The following ZNF714 variants were observed in gnomAD, a reference collection of about 807,000 sequenced individuals.
The protein encoded by ZNF714 is zinc finger protein 714.
Under a neutral mutation model 46.2 loss-of-function variants are expected in ZNF714, and 32 were observed. The observed-to-expected ratio is 0.69, with a 90% confidence interval of 0.52 to 0.93. ZNF714 has a LOEUF of 0.93. ZNF714 is among the 40% of genes least tolerant of loss of function. The pLI, the probability that ZNF714 is intolerant of heterozygous loss-of-function variation, is 0.00. For missense variants in ZNF714, 635 were observed against 646.3 expected (o/e 0.98, Z 0.19); for synonymous variants, 199 against 213.1 (o/e 0.93, Z 0.58).
chr19:21,114,265 C>T (rs887369129), intron 4 of ZNF714, among the ~76,000 whole-genome samples: 2 of 151,736 alleles, frequency 1.3e-5, no homozygotes, highest in Non-Finnish European at 2.9e-5. Flanking sequence ...AGTGAAACCT[C>T]GTCTACTAAA....
chr19:21,084,897 G>A (rs180704575), intron 2 of ZNF714, among the ~76,000 whole-genome samples: 60 of 152,118 alleles, frequency 3.9e-4, no homozygotes, highest in Non-Finnish European at 2.9e-5. Flanking sequence ...TGGGATAACA[G>A]GTGTGAGCCA....
intron 2 of ZNF714, among the ~76,000 whole-genome samples, chr19:21,087,171 G>A (rs1328958599): frequency 2.9e-5 from 4 of 137,926 alleles, no homozygotes; most frequent in African/African-American, 1.1e-4. Context: ...CTTTTGAAGA[G>A]GATCAACACA....
intron 4 of ZNF714, among the ~76,000 whole-genome samples, chr19:21,112,820 T>TTTTTTTTTTTTTTTTTTTTTTTTTTTTA: frequency 1.3e-5 from 1 of 79,166 alleles, no homozygotes; most frequent in Non-Finnish European, 2.9e-5. Context: ...TTTCTGATTT[T>TTTTTTTTTTTTTTTTTTTTTTTTTTTTA]TTTTTTTTTT....
At chr19:21,111,792 G>T (rs1341048912) in intron 4 of ZNF714, among the ~76,000 whole-genome samples, 3 of 152,094 alleles carry the variant, frequency 2.0e-5, no homozygotes, top group Non-Finnish European at 4.4e-5. Flanking sequence ...TAACATGAAG[G>T]GATGTTGAAT....
In ZNF714 at chr19:21,103,509, C is replaced by T. The variant is rs559326387; in HGVS notation, c.142+4599C>T. 1.4e-4 allele frequency among the ~76,000 whole-genome samples: 22 copies of T among 152,222 alleles called. No individual in the cohort carries two copies. The East Asian group carries it at 4.0e-3, about 28-fold the overall frequency. On this transcript the variant is annotated intron_variant, in intron 4 of 4. Coordinates refer to ENST00000456283, the MANE Select transcript of ZNF714 (RefSeq NM_182515.4). ...CAGAGGTTGCAGTGAGCCGAGATCA[C>T]GCCACTGCACTCCAGCCTGGGTGAC...
Position 21,118,033 on chromosome 19 carries a change from G to T in ZNF714, c.1369G>T (p.Glu457Ter). The change falls in exon 5 of 5, where the codon GAA becomes TAA. Residue 457 changes from glutamate to a stop codon, truncating the protein, a stop_gained. Transcript: ENST00000456283. LOFTEE classifies it high-confidence loss of function. ...HTGEKPYKCE[E>*]CGKAFNRSSN... ...TGGAGAGAAACCCTACAAATGTGAA[G>T]AATGTGGCAAAGCTTTCAACCGATC... 1 of 1,613,818 alleles carries T rather than the reference G, an allele frequency of 6.2e-7. No individual in the cohort carries two copies. Among genetic ancestry groups the T allele is most frequent in the Non-Finnish European group, 8.5e-7 (1 of 1,179,994 alleles).
intron 4 of ZNF714, among the ~76,000 whole-genome samples, chr19:21,102,427 ATTTAC>A (rs1255569602): frequency 6.6e-6 from 1 of 152,196 alleles, no homozygotes; most frequent in Non-Finnish European, 1.5e-5. Context: ...CTAAATGATA[ATTTAC>A]TTGTAAATAT....
intron 2 of ZNF714, among the ~76,000 whole-genome samples, chr19:21,097,695 A>G (rs1010507558): frequency 6.6e-6 from 1 of 152,070 alleles, no homozygotes; most frequent in Non-Finnish European, 1.5e-5. Context: ...CTGACAAAAT[A>G]GTCTTCTGGG....
At chr19:21,082,681 C>T (rs7246416) in intron 1 of ZNF714, among the ~76,000 whole-genome samples, 1 of 103,584 alleles carries the variant, frequency 9.7e-6, no homozygotes, top group South Asian at 3.3e-4. Context: ...ACTCGGGGTG[C>T]GGGTTTATGA....
intron 2 of ZNF714, among the ~76,000 whole-genome samples, chr19:21,084,351 C>T (rs1396902746): frequency 1.3e-5 from 2 of 151,760 alleles, no homozygotes; most frequent in Non-Finnish European, 2.9e-5. Flanking sequence ...GAAAAAGATC[C>T]CCATGTCCTA....
In ZNF714 at chr19:21,082,251, T is replaced by C. The variant is rs538456121; in HGVS notation, c.-274T>C. On this transcript the variant is annotated 5_prime_UTR_variant, in exon 1 of 5. Coordinates refer to ENST00000456283, the MANE Select transcript of ZNF714 (RefSeq NM_182515.4). ...CAGGTCTCGCCTTCACTGCCCTGTG[T>C]CCTCTGCTCGCAGAGGCCCAGCCTC... The C allele has an allele frequency of 1.7e-4, 222 of 1,296,650 alleles. 1 individual carries two copies. The highest frequency in any genetic ancestry group is 8.4e-4 in the Admixed American group (45 of 53,566). 80.3% of individuals were successfully genotyped at this position (1,296,650 alleles called of 1,614,324 possible). A position where few individuals can be genotyped will look rare whatever the true frequency, so the allele number is the denominator to read the frequency against.
chr19:21,087,188 TTGTC>T (rs926662204), intron 2 of ZNF714, among the ~76,000 whole-genome samples: 3 of 146,698 alleles, frequency 2.0e-5, no homozygotes, highest in African/African-American at 7.9e-5. Flanking sequence ...CACAACTTGA[TTGTC>T]TGCATGGGAA....
At chr19:21,111,812 G>A (rs1225154728) in intron 4 of ZNF714, among the ~76,000 whole-genome samples, 1 of 152,070 alleles carries the variant, frequency 6.6e-6, no homozygotes, top group Non-Finnish European at 1.5e-5. Flanking sequence ...TTTGATCGAA[G>A]GCCTTTTCTG....
intron 4 of ZNF714, among the ~76,000 whole-genome samples, chr19:21,102,479 A>G (rs1401964696): frequency 1.3e-5 from 2 of 152,170 alleles, no homozygotes; most frequent in Non-Finnish European, 2.9e-5. Context: ...CCTATTTTGA[A>G]AAATATAAGT....
intron 4 of ZNF714, among the ~76,000 whole-genome samples, chr19:21,111,424 C>G (rs1461497043): frequency 1.3e-5 from 2 of 151,942 alleles, no homozygotes; most frequent in Non-Finnish European, 2.9e-5. Context: ...ATTTTGTATC[C>G]TGAGACTTTG....
At chr19:21,105,432 C>A (rs907852636) in intron 4 of ZNF714, among the ~76,000 whole-genome samples, 1 of 151,962 alleles carries the variant, frequency 6.6e-6, no homozygotes, top group Non-Finnish European at 1.5e-5. Context: ...ATATTTTCAC[C>A]CACTTCCTAG....
chr19:21,083,158 T>C (rs980743792), intron 1 of ZNF714, among the ~76,000 whole-genome samples: 1 of 152,090 alleles, frequency 6.6e-6, no homozygotes, highest in Admixed American at 6.5e-5. Context: ...TGCTTCAGCC[T>C]CCCAGGTAGC....
intron 4 of ZNF714, chr19:21,112,985 G>C (rs1229760569): frequency 6.6e-6 from 1 of 151,448 alleles, no homozygotes; most frequent in African/African-American, 2.4e-5. Context: ...ACCATGCTGG[G>C]CTAATATTAT....
At chr19:21,088,950 C>A (rs937065738) in intron 2 of ZNF714, among the ~76,000 whole-genome samples, 2 of 152,138 alleles carry the variant, frequency 1.3e-5, no homozygotes, top group African/African-American at 4.8e-5. Context: ...GACATGGGGA[C>A]ACCTCCATAC....
Sources: gnomAD v4.1 joint callset for allele counts (sites outside exome capture counted in the v4.1 genomes callset) on GRCh38, gnomAD v4.1.1 for gene constraint, MANE v1.5 for transcripts, NCBI Gene and HGNC (gene_info 2026-07-23, HGNC 2026-07-21) for gene names.